COL18A1: variants seen among roughly 807,000 people sequenced by gnomAD.
COL18A1 encodes the protein collagen type XVIII alpha 1 chain.
Under a neutral mutation model 168.0 loss-of-function variants are expected in COL18A1, and 133 were observed. That is an observed-to-expected ratio of 0.79 (90% CI 0.69 to 0.91). The LOEUF is 0.91. COL18A1 is among the 40% of genes least tolerant of loss of function. The pLI is 0.00. For missense variants in COL18A1, 2,126 were observed against 1,925.4 expected, an observed-to-expected ratio of 1.10 and a Z score of -1.95; for synonymous variants, 949 against 809.0, an observed-to-expected ratio of 1.17 and a Z score of -2.94.
chr21:45,437,581 TAC>T (rs138345651), intron 2 of COL18A1, among the ~76,000 whole-genome samples: 2 of 6,750 alleles, frequency 3.0e-4, no homozygotes, highest in Non-Finnish European at 4.9e-4. Flanking sequence ...CACTCTCCTG[TAC>T]ACACACACAC....
At chr21:45,454,740 C>T (rs922586182) in intron 2 of COL18A1, among the ~76,000 whole-genome samples, 1 of 152,238 alleles carries the variant, frequency 6.6e-6, no homozygotes, top group Non-Finnish European at 1.5e-5. Context: ...CACTCACATG[C>T]CACTCACATC....
At chr21:45,415,234 G>T (rs1344299520) in intron 2 of COL18A1, among the ~76,000 whole-genome samples, 1 of 152,186 alleles carries the variant, frequency 6.6e-6, no homozygotes, top group Non-Finnish European at 1.5e-5. Context: ...TCTTGGATGT[G>T]TGCCGGCTTC....
intron 37 of COL18A1, chr21:45,506,180 G>T (rs1274504558): frequency 1.1e-5 from 7 of 645,162 alleles, no homozygotes; most frequent in African/African-American, 1.8e-5. Flanking sequence ...TCTGAAAGTG[G>T]ATGAACACAT....
intron 25 of COL18A1, 116 bp downstream of exon 25, chr21:45,493,341 G>A (rs906575522): frequency 1.1e-5 from 15 of 1,318,142 alleles, no homozygotes; most frequent in African/African-American, 8.8e-5. Context: ...GCTGTGACAC[G>A]TGAGGGGTAC....
chr21:45,418,775 T>TCAGGGCAGCGGCCC (rs2033531138), intron 2 of COL18A1, among the ~76,000 whole-genome samples: 1 of 57,728 alleles, frequency 1.7e-5, no homozygotes, highest in African/African-American at 8.0e-5. Flanking sequence ...CAAGGCTGTC[T>TCAGGGCAGCGGCCC]CTGCTTTAGC....
intron 17 of COL18A1, 181 bp downstream of exon 17, chr21:45,487,690 C>T (rs1317833362): frequency 1.3e-6 from 1 of 757,578 alleles, no homozygotes; most frequent in Non-Finnish European, 2.3e-6. Flanking sequence ...GGAGATGCCC[C>T]TTCATTGAAC....
chr21:45,437,186 ACACAGACACACAGG>A (rs2034140130), intron 2 of COL18A1, among the ~76,000 whole-genome samples: 20 of 86,258 alleles, frequency 2.3e-4, no homozygotes, highest in Middle Eastern at 6.4e-3. Context: ...ACACACACTC[ACACAGACACACAGG>A]CACTCTCCTG....
chr21:45,465,059 C>G (rs575432120), intron 2 of COL18A1, among the ~76,000 whole-genome samples: 1 of 152,358 alleles, frequency 6.6e-6, no homozygotes, highest in South Asian at 2.1e-4. Context: ...TCTCAGGAGT[C>G]TCCATAACTC....
rs372827914 is a variant in COL18A1, at chr21:45,468,215, C to T, written c.107-27C>T. Reference sequence around the variant, plus strand: ...CCCCTGGTTCCGTCCTGCACAGCCACCTCACCAGCTGTCTTTCTTTTTGCA... The same window carrying T: ...CCCCTGGTTCCGTCCTGCACAGCCATCTCACCAGCTGTCTTTCTTTTTGCA... On this transcript the variant is annotated intron_variant, in intron 2 of 41. Coordinates refer to ENST00000651438, the MANE Select transcript of COL18A1 (RefSeq NM_001379500.1). 7.4e-6 allele frequency: 12 copies of T among 1,612,474 alleles called. 1 individual carries two copies. The highest frequency in any genetic ancestry group is 5.5e-5 in the South Asian group (5 of 91,082).
chr21:45,483,864 A>G (rs1204724150), intron 15 of COL18A1, among the ~76,000 whole-genome samples: 3 of 151,946 alleles, frequency 2.0e-5, no homozygotes, highest in Non-Finnish European at 2.9e-5. Flanking sequence ...GCATGTGCAC[A>G]TACACACACA....
intron 2 of COL18A1, among the ~76,000 whole-genome samples, chr21:45,412,457 G>C (rs55672872): frequency 2.0e-5 from 3 of 152,044 alleles, no homozygotes; most frequent in African/African-American, 7.2e-5. Flanking sequence ...GGCCAGGCTG[G>C]TCTCAAACTC....
chr21:45,423,864 G>A lies in COL18A1; in HGVS notation c.106+18391G>A, dbSNP rs2033701903. 6.6e-6 allele frequency: 1 copy of A among 152,278 alleles called. No individual in the cohort carries two copies. Among genetic ancestry groups the A allele is most frequent in the African/African-American group, 2.4e-5 (1 of 41,452 alleles). 9.4% of individuals were successfully genotyped at this position (152,278 alleles called of 1,614,324 possible). On this transcript the variant is annotated intron_variant, in intron 2 of 41. Coordinates refer to ENST00000651438, the MANE Select transcript of COL18A1 (RefSeq NM_001379500.1). This position sits in a 1 kb window ranked among gnomAD's most constrained non-coding sequence, Gnocchi z 4.0. ...CCCTCTTGGAGCAGGGTTCTGCAGTGTCCTGGGGGCAGAGGCCTGACGCAC... is the reference window on the plus strand; with the variant it reads ...CCCTCTTGGAGCAGGGTTCTGCAGTATCCTGGGGGCAGAGGCCTGACGCAC...
chr21:45,468,160 C>A lies in COL18A1; in HGVS notation c.107-82C>A, dbSNP rs2035281565. 4.1e-6 allele frequency: 6 copies of A among 1,475,554 alleles called. No individual in the cohort carries two copies. The South Asian group carries it at 4.6e-5, about 11-fold the overall frequency. The allele number at this position is 1,475,554 out of a possible 1,614,324, so 91.4% of individuals were successfully genotyped here. A position where few individuals can be genotyped will look rare whatever the true frequency, so the allele number is the denominator to read the frequency against. ...ACTCAGTTTCTCCTTTCTGCCCCTG[C>A]CTGGCTGCCTCTCCAGGCCGCGTCG... is the stretch of plus-strand genomic sequence containing the variant. On this transcript the variant is annotated intron_variant, in intron 2 of 41. Transcript: ENST00000651438.
intron 33 of COL18A1, 31 bp from the exon 34 acceptor site, chr21:45,504,385 G>A (rs1261622845): frequency 1.9e-6 from 3 of 1,604,762 alleles, no homozygotes; most frequent in Admixed American, 3.4e-5. Flanking sequence ...GGGGTTCAGG[G>A]CTCCCGTGTA....
rs751774384 is a variant in COL18A1 at position 45,505,935 on chromosome 21, T to C, written c.3185T>C (p.Val1062Ala). 1.9e-6 allele frequency: 3 copies of C among 1,613,166 alleles called. No homozygotes were observed. Among genetic ancestry groups the C allele is most frequent in the South Asian group, 2.2e-5 (2 of 91,078 alleles). Residue 1062 changes from valine (V) to alanine (A), a missense_variant, in exon 37 of 42, where the codon GTC becomes GCC. By Grantham distance (64) the Val-to-Ala change is moderately conservative. Transcript: ENST00000651438. ...IFVAEQEELY[V>A]RVQNGFRKVQ... The stretch of plus-strand genomic sequence containing the variant: ...GTGGCCGAGCAGGAGGAGCTCTACG[T>C]CCGCGTGCAGAACGGGTTCCGGAAG...
At chr21:45,438,058 TCACA>T (rs1166090720) in intron 2 of COL18A1, among the ~76,000 whole-genome samples, 2 of 46,900 alleles carry the variant, frequency 4.3e-5, no homozygotes, top group Non-Finnish European at 8.8e-5. Context: ...CTGCACACAC[TCACA>T]CTCACACTCA....
intron 2 of COL18A1, among the ~76,000 whole-genome samples, chr21:45,411,288 A>C (rs1331565362): frequency 6.6e-6 from 1 of 152,134 alleles, no homozygotes; most frequent in East Asian, 1.9e-4. Context: ...GCTGGGGCTA[A>C]AGAGGCCAGC....
intron 2 of COL18A1, among the ~76,000 whole-genome samples, chr21:45,431,347 G>T (rs1232088305): frequency 1.3e-5 from 2 of 151,180 alleles, no homozygotes; most frequent in Admixed American, 6.6e-5. Flanking sequence ...GTGTGGACCC[G>T]GCGGCCCAGG....
intron 2 of COL18A1, among the ~76,000 whole-genome samples, chr21:45,453,151 A>G (rs915238571): frequency 2.0e-5 from 3 of 150,484 alleles, no homozygotes; most frequent in East Asian, 2.0e-4. Context: ...TTCACATGTG[A>G]CATGTGTGAG....
Sources: gnomAD v4.1 joint callset for allele counts (sites outside exome capture counted in the v4.1 genomes callset) on GRCh38, gnomAD v4.1.1 for gene constraint, Gnocchi (gnomAD v3.1) non-coding constraint, MANE v1.5 for transcripts, NCBI Gene and HGNC (gene_info 2026-07-23, HGNC 2026-07-21) for gene names.